BABAM2: variants seen among roughly 807,000 people sequenced by gnomAD.
The protein encoded by BABAM2 is BRISC and BRCA1 A complex member 2, also known as BRISC and BRCA1-A complex member 2.
A neutral mutation model predicts 54.7 loss-of-function variants in BABAM2; 31 were observed. The observed-to-expected ratio is 0.57, with a 90% CI of 0.43 to 0.77. BABAM2 has a LOEUF of 0.77. Ranked by LOEUF, BABAM2 falls within the 30% of genes least tolerant of loss-of-function variation. The pLI is 0.00. For missense variants in BABAM2, 364 were observed against 455.8 expected, an observed-to-expected ratio of 0.80 and a Z score of 1.83; for synonymous variants, 167 against 162.9, an observed-to-expected ratio of 1.03 and a Z score of -0.19.
chr2:28,064,494 T>C (rs1679147122), intron 6 of BABAM2, among the ~76,000 whole-genome samples: 1 of 152,262 alleles, frequency 6.6e-6, no homozygotes, highest in African/African-American at 2.4e-5. Flanking sequence ...TTTCTAGTTA[T>C]CGTAAATGAT....
At chr2:28,125,589 G>A (rs553550606) in intron 6 of BABAM2, among the ~76,000 whole-genome samples, 3 of 152,198 alleles carry the variant, frequency 2.0e-5, no homozygotes, top group South Asian at 2.1e-4. Flanking sequence ...CACCGCGCCC[G>A]GCCTGTTGCA....
chr2:28,241,387 T>A lies in BABAM2; in HGVS notation c.845T>A (p.Phe282Tyr). The A allele has an allele frequency of 6.2e-7, 1 of 1,613,994 alleles. No homozygotes were observed. Among genetic ancestry groups the A allele is most frequent in the Non-Finnish European group, 8.5e-7 (1 of 1,179,844 alleles). ...REYIAAFLSH[F>Y]GTGVVEYDAE... is the part of the protein sequence containing the mutation. ...TATATTGCTGCTTTTCTCAGTCACT[T>A]TGGCACGTAAGTTCTGCCCTGTTTG... Residue 282 changes from phenylalanine to tyrosine, a missense_variant, in exon 9 of 12, where the codon TTT becomes TAT. Transcript: ENST00000379624.
At chr2:27,913,296 A>G (rs935030115) in intron 2 of BABAM2, among the ~76,000 whole-genome samples, 3 of 152,182 alleles carry the variant, frequency 2.0e-5, no homozygotes, top group Non-Finnish European at 4.4e-5. Context: ...GTAATAATTT[A>G]CAGACCAGAA....
chr2:28,250,056 A>G (rs1683298026), intron 10 of BABAM2, among the ~76,000 whole-genome samples: 1 of 152,206 alleles, frequency 6.6e-6, no homozygotes, highest in Admixed American at 6.5e-5. Context: ...ATGAATAGAG[A>G]ATAAGAAGGA....
chr2:27,992,587 AAG>A (rs1414617156), intron 4 of BABAM2, among the ~76,000 whole-genome samples: 1 of 152,228 alleles, frequency 6.6e-6, no homozygotes, highest in Admixed American at 6.5e-5. Flanking sequence ...GTGATGTGAG[AAG>A]AGAGGATGTT....
chr2:28,195,041 T>C (rs966471925), intron 7 of BABAM2, among the ~76,000 whole-genome samples: 1 of 152,326 alleles, frequency 6.6e-6, no homozygotes, highest in East Asian at 1.9e-4. Flanking sequence ...GAGAAAATTG[T>C]GCTCTAGCAA....
At chr2:27,889,051 C>T (rs1417652915), upstream of BABAM2, among the ~76,000 whole-genome samples, 2 of 152,202 alleles carry the variant, frequency 1.3e-5, no homozygotes, top group Non-Finnish European at 2.9e-5. Context: ...GTTGCTTCTT[C>T]TCGTTACACA....
chr2:28,310,191 T>A, intron 11 of BABAM2: 1 of 1,594,000 alleles, frequency 6.3e-7, no homozygotes, highest in Non-Finnish European at 8.6e-7. Flanking sequence ...ACCTGACATC[T>A]GTTGCAGTGA....
chr2:28,194,433 C>G (rs1426269506), intron 7 of BABAM2, among the ~76,000 whole-genome samples: 1 of 151,990 alleles, frequency 6.6e-6, no homozygotes, highest in Non-Finnish European at 1.5e-5. Flanking sequence ...TTATGGCAAC[C>G]AAACTGACTT....
chr2:27,957,113 T>C (rs1670146810), intron 3 of BABAM2, among the ~76,000 whole-genome samples: 1 of 152,070 alleles, frequency 6.6e-6, no homozygotes, highest in African/African-American at 2.4e-5. Flanking sequence ...CTGTTTCTTC[T>C]CTGGCTAAAA....
chr2:28,003,497 G>A (rs1047917936), intron 4 of BABAM2, among the ~76,000 whole-genome samples: 10 of 152,136 alleles, frequency 6.6e-5, no homozygotes, highest in Non-Finnish European at 1.5e-4. Context: ...GGCTAAAGTG[G>A]GAGAATCGTT....
intron 3 of BABAM2, among the ~76,000 whole-genome samples, chr2:27,943,905 C>A (rs1400094433): frequency 1.3e-5 from 2 of 152,092 alleles, no homozygotes; most frequent in Non-Finnish European, 2.9e-5. Flanking sequence ...GACATTCTCT[C>A]TCCTTAGATA....
chr2:27,894,827 GT>G (rs1665160523), intron 2 of BABAM2, 143 bp downstream of exon 2: 5 of 897,030 alleles, frequency 5.6e-6, no homozygotes, highest in Non-Finnish European at 8.3e-6. Flanking sequence ...GATTCAGTTG[GT>G]TTTGTTCAGT....
intron 7 of BABAM2, among the ~76,000 whole-genome samples, chr2:28,192,125 C>T (rs1676979271): frequency 6.6e-6 from 1 of 152,164 alleles, no homozygotes; most frequent in Admixed American, 6.5e-5. Flanking sequence ...AGCTCCGCCT[C>T]CTGGGTTCAC....
At position 28,289,064 on chromosome 2, in the gene BABAM2, G is replaced by T. The variant is rs890449270; in HGVS notation, c.935-9274G>T. On this transcript the variant is annotated intron_variant, in intron 10 of 11. Transcript: ENST00000379624. ...GTAATGTTTATCTGTTTATACACACGCGCACACACACACACACACGATTAT... is the reference window on the plus strand; with the variant it reads ...GTAATGTTTATCTGTTTATACACACTCGCACACACACACACACACGATTAT... Among the ~76,000 whole-genome samples the T allele has an allele frequency of 4.0e-5, 6 of 149,284 alleles. No homozygotes were observed. The Admixed American group carries it at 4.0e-4, about 10-fold the overall frequency.
chr2:28,184,413 T>C (rs1676050217), intron 7 of BABAM2, among the ~76,000 whole-genome samples: 1 of 151,960 alleles, frequency 6.6e-6, no homozygotes, highest in African/African-American at 2.4e-5. Flanking sequence ...TGTGCTGTGT[T>C]GGTGTGCTGC....
chr2:28,334,615 T>C (rs893574767), intron 11 of BABAM2, among the ~76,000 whole-genome samples: 7 of 152,230 alleles, frequency 4.6e-5, no homozygotes, highest in Non-Finnish European at 8.8e-5. Flanking sequence ...GGTGGCAGCC[T>C]GTCGATCTCA....
chr2:28,277,298 T>A (rs1685962246), intron 10 of BABAM2, among the ~76,000 whole-genome samples: 1 of 152,028 alleles, frequency 6.6e-6, no homozygotes, highest in Admixed American at 6.6e-5. Context: ...TGCAGACAGG[T>A]TTCACCATGT....
intron 7 of BABAM2, among the ~76,000 whole-genome samples, chr2:28,187,961 C>T (rs1420222548): frequency 6.6e-6 from 1 of 152,114 alleles, no homozygotes; most frequent in Non-Finnish European, 1.5e-5. Flanking sequence ...AGCCACTGCA[C>T]CTGGACTGGA....
Sources: gnomAD v4.1 joint callset for allele counts (sites outside exome capture counted in the v4.1 genomes callset) on GRCh38, gnomAD v4.1.1 for gene constraint, MANE v1.5 for transcripts, NCBI Gene and HGNC (gene_info 2026-07-23, HGNC 2026-07-21) for gene names.